Variants in PCDH15 observed in about 807,000 individuals in gnomAD.
The protein encoded by PCDH15 is protocadherin-15.
In PCDH15, 129 loss-of-function variants were observed where a neutral mutation model predicts 178.5. The observed-to-expected ratio is 0.72, with a 90% CI of 0.63 to 0.84. The LOEUF (loss-of-function observed/expected upper bound fraction) is 0.84. PCDH15 is among the 40% of genes least tolerant of loss of function. The probability of loss-of-function intolerance (pLI) is 0.00; values close to 1 mark genes in which losing one functional copy is unlikely to be tolerated. For missense variants in PCDH15, 2,230 were observed against 2,099.9 expected, an observed-to-expected ratio of 1.06 and a Z score of -1.21; for synonymous variants, 800 against 732.0, an observed-to-expected ratio of 1.09 and a Z score of -1.50.
At chr10:55,229,746 A>C (rs1294610537) in intron 1 of PCDH15, among the ~76,000 whole-genome samples, 1 of 151,992 alleles carries the variant, frequency 6.6e-6, no homozygotes, top group Non-Finnish European at 1.5e-5. Context: ...AGAAAATAAC[A>C]CTCTTTCATG....
At chr10:54,395,765 C>T (rs1951135887) in intron 3 of PCDH15, among the ~76,000 whole-genome samples, 1 of 152,114 alleles carries the variant, frequency 6.6e-6, no homozygotes, top group Non-Finnish European at 1.5e-5. Flanking sequence ...ATGAGTACCA[C>T]ATTTTTCAAT....
At chr10:54,231,281 C>A (rs2054037102) in intron 9 of PCDH15, among the ~76,000 whole-genome samples, 1 of 152,200 alleles carries the variant, frequency 6.6e-6, no homozygotes, top group Non-Finnish European at 1.5e-5. Context: ...TGCCTCAGGC[C>A]TCTGCTTCAG....
chr10:54,112,376 C>G (rs1408467394), intron 15 of PCDH15, among the ~76,000 whole-genome samples: 1 of 151,832 alleles, frequency 6.6e-6, no homozygotes, highest in Non-Finnish European at 1.5e-5. Flanking sequence ...ACAAAAATGT[C>G]TGCAGATATT....
intron 1 of PCDH15, among the ~76,000 whole-genome samples, chr10:54,708,639 T>G (rs932936111): frequency 2.6e-5 from 4 of 152,174 alleles, no homozygotes; most frequent in Non-Finnish European, 5.9e-5. Flanking sequence ...CCTGAGTATC[T>G]AGATTATTTC....
intron 28 of PCDH15, among the ~76,000 whole-genome samples, chr10:53,843,212 G>A (rs893426768): frequency 2.0e-5 from 3 of 152,034 alleles, no homozygotes; most frequent in Non-Finnish European, 2.9e-5. Flanking sequence ...TATATCTTAT[G>A]ATAAAAAGAG....
intron 25 of PCDH15, among the ~76,000 whole-genome samples, chr10:53,919,469 C>T (rs1032143970): frequency 1.3e-5 from 2 of 152,190 alleles, no homozygotes; most frequent in Non-Finnish European, 2.9e-5. Flanking sequence ...TGAGAAGTTT[C>T]TGGACCAAGT....
intron 2 of PCDH15, among the ~76,000 whole-genome samples, chr10:54,650,117 G>A (rs1183496958): frequency 1.3e-5 from 2 of 152,102 alleles, no homozygotes. Context: ...TTTTGATTGG[G>A]TGTCATCAGT....
intron 2 of PCDH15, among the ~76,000 whole-genome samples, chr10:54,973,701 A>G (rs187903422): frequency 1.3e-5 from 2 of 152,288 alleles, no homozygotes; most frequent in Non-Finnish European, 2.9e-5. Context: ...TGTGAAGAAA[A>G]TGTAAGGCTT....
At chr10:55,429,124 A>T (rs1451193563) in intron 2 of PCDH15, among the ~76,000 whole-genome samples, 1 of 152,076 alleles carries the variant, frequency 6.6e-6, no homozygotes, top group Non-Finnish European at 1.5e-5. Context: ...AGGCATTTTT[A>T]TAATGTGAAA....
chr10:54,139,579 G>T (rs1169368210), intron 14 of PCDH15, among the ~76,000 whole-genome samples: 1 of 152,120 alleles, frequency 6.6e-6, no homozygotes, highest in Non-Finnish European at 1.5e-5. Context: ...GCTAATATCT[G>T]ATAGTCAGCT....
intron 11 of PCDH15, among the ~76,000 whole-genome samples, chr10:54,188,577 T>C (rs571420275): frequency 3.6e-4 from 54 of 151,836 alleles, no homozygotes; most frequent in Non-Finnish European, 6.0e-4. Flanking sequence ...TATCTGCATA[T>C]TATATTTTGA....
intron 3 of PCDH15, among the ~76,000 whole-genome samples, chr10:54,412,724 C>T (rs4935517): frequency 0.47 from 71,678 of 151,954 alleles, 17,630 homozygotes; most frequent in Non-Finnish European, 0.53. Flanking sequence ...GTTTTTGTTG[C>T]TGTTGTTTCT....
At chr10:55,423,825 A>C (rs1409380155) in intron 2 of PCDH15, among the ~76,000 whole-genome samples, 1 of 152,122 alleles carries the variant, frequency 6.6e-6, no homozygotes, top group Non-Finnish European at 1.5e-5. Flanking sequence ...CAATAACTTA[A>C]ATGCTTACAT....
chr10:55,589,225 T>C (rs928888794), intron 2 of PCDH15, among the ~76,000 whole-genome samples: 1 of 152,102 alleles, frequency 6.6e-6, no homozygotes, highest in African/African-American at 2.4e-5. Flanking sequence ...CTTGAATTAA[T>C]TTTTGTATAA....
chr10:55,142,849 A>T (rs1240342161), intron 2 of PCDH15, among the ~76,000 whole-genome samples: 1 of 151,794 alleles, frequency 6.6e-6, no homozygotes, highest in Non-Finnish European at 1.5e-5. Flanking sequence ...GAAATTTGAG[A>T]GATGGAGTGA....
chr10:55,104,804 C>T (rs1842639781), intron 2 of PCDH15, among the ~76,000 whole-genome samples: 1 of 151,974 alleles, frequency 6.6e-6, no homozygotes, highest in Non-Finnish European at 1.5e-5. Context: ...TTGTATGGGT[C>T]CCATGGTGTT....
chr10:54,323,456 A>C (rs12242118), intron 7 of PCDH15, among the ~76,000 whole-genome samples: 38,313 of 152,056 alleles, frequency 0.25, 5,260 homozygotes, highest in African/African-American at 0.37. Context: ...AAAAACATGG[A>C]ATCAACCTAG....
chr10:55,079,319 T>C (rs1841982632), intron 2 of PCDH15, among the ~76,000 whole-genome samples: 1 of 152,208 alleles, frequency 6.6e-6, no homozygotes. Flanking sequence ...TGATTCTGCA[T>C]GCATTCAGTA....
chr10:54,268,028 A>G (rs774619568), intron 8 of PCDH15, among the ~76,000 whole-genome samples: 14 of 152,024 alleles, frequency 9.2e-5, no homozygotes, highest in Non-Finnish European at 1.5e-4. Context: ...ACTTCAACCT[A>G]TACTACAAGG....
Sources: allele counts gnomAD v4.1 joint callset (sites outside exome capture counted in the v4.1 genomes callset), GRCh38; gene constraint gnomAD v4.1.1; transcripts MANE v1.5; gene names NCBI Gene and HGNC (gene_info 2026-07-23, HGNC 2026-07-21).